The following ULK2 variants were observed in gnomAD, a reference collection of about 807,000 sequenced individuals.
The protein encoded by ULK2 is unc-51 like autophagy activating kinase 2.
In ULK2, 76 loss-of-function variants were observed where a neutral mutation model predicts 127.5. The observed-to-expected ratio is 0.60, with a 90% CI of 0.50 to 0.72. The LOEUF is 0.72. Among genes scored for constraint, ULK2 ranks in the 30% least tolerant of loss-of-function variants. The pLI is 0.00. For synonymous variants in ULK2, 452 were observed against 461.9 expected, an observed-to-expected ratio of 0.98 and a Z score of 0.28; for missense variants, 1,144 against 1,295.9, an observed-to-expected ratio of 0.88 and a Z score of 1.80.
At chr17:19,827,972 T>C (rs1306309109) in intron 10 of ULK2, among the ~76,000 whole-genome samples, 1 of 148,698 alleles carries the variant, frequency 6.7e-6, no homozygotes, top group East Asian at 2.0e-4. Flanking sequence ...CCACACAGAG[T>C]TACAGAATCA....
chr17:19,794,966 C>A (rs1166785070), intron 20 of ULK2, among the ~76,000 whole-genome samples: 6 of 151,834 alleles, frequency 4.0e-5, no homozygotes, highest in Admixed American at 6.6e-5. Context: ...ATAGTCCCAA[C>A]TACTTGGGAG....
Position 19,829,838 on chromosome 17 carries a change from C to CAAAAA in ULK2, c.788-3657_788-3653dup, listed in dbSNP as rs60131689. Among the ~76,000 whole-genome samples, 75 of 120,606 alleles carry CAAAAA rather than the reference C, an allele frequency of 6.2e-4. 1 individual carries two copies. Among genetic ancestry groups the CAAAAA allele is most frequent in the Non-Finnish European group, 8.7e-4 (54 of 61,870 alleles). The allele number at this position is 120,606 out of a possible 152,430, so 79.1% of individuals were successfully genotyped here. A position where few individuals can be genotyped will look rare whatever the true frequency, so the allele number is the denominator to read the frequency against. ...TGGGTGACAGAGCGAGACTCCATTT[C>CAAAAA]AAAAAAAAAAAAAAAAAAGGTATTA... On this transcript the variant is annotated intron_variant, in intron 10 of 26. Transcript: ENST00000395544.
chr17:19,844,059 T>C (rs892024525), intron 7 of ULK2, among the ~76,000 whole-genome samples: 8 of 152,180 alleles, frequency 5.3e-5, no homozygotes, highest in African/African-American at 1.7e-4. Context: ...TATTATTCCC[T>C]ATGTTTTTTG....
intron 4 of ULK2, among the ~76,000 whole-genome samples, 161 bp from the exon 5 acceptor site, chr17:19,849,566 G>C (rs1397505016): frequency 6.6e-6 from 1 of 151,530 alleles, no homozygotes; most frequent in Non-Finnish European, 1.5e-5. Flanking sequence ...TATTCCTTGA[G>C]TAGAATCTAG....
Position 19,789,012 on chromosome 17 carries a change from C to G in ULK2, c.2102-2926G>C, listed in dbSNP as rs1303819976. On this transcript the variant is annotated intron_variant, in intron 20 of 26. Transcript: ENST00000395544. ...CTGGACATGCCTGGTGCCTGGGGTA[C>G]TTGTTGCCCTGAAAGGAAGGACACA... Among the ~76,000 whole-genome samples the G allele has an allele frequency of 2.0e-5, 3 of 152,188 alleles. No homozygotes were observed. The East Asian group carries it at 5.8e-4, about 29-fold the overall frequency.
intron 3 of ULK2, among the ~76,000 whole-genome samples, chr17:19,863,839 C>A (rs1003691726): frequency 3.9e-5 from 6 of 152,216 alleles, no homozygotes; most frequent in African/African-American, 1.4e-4. Flanking sequence ...GACTTTAGAA[C>A]CTACTTCCCA....
intron 10 of ULK2, among the ~76,000 whole-genome samples, chr17:19,833,741 C>G (rs1266159541): frequency 1.3e-5 from 2 of 152,056 alleles, no homozygotes; most frequent in South Asian, 2.1e-4. Flanking sequence ...AGGCTGAGAA[C>G]AGATTAACAG....
rs184309756 is a variant in ULK2, at chr17:19,816,514, G to C, written c.1096+235C>G. On this transcript the variant is annotated intron_variant, in intron 13 of 26. Coordinates refer to ENST00000395544, the MANE Select transcript of ULK2 (RefSeq NM_014683.4). ...CTGTTTGGATACAAACAGAATTTGA[G>C]ATCATTTCCTATAAAGTTTTCATGT... 645 of 302,464 alleles carry C rather than the reference G, an allele frequency of 2.1e-3. 4 individuals are homozygous for C. The highest frequency in any genetic ancestry group is 0.013 in the African/African-American group (610 of 46,474). The allele number at this position is 302,464 out of a possible 1,614,324, so 18.7% of individuals were successfully genotyped here.
chr17:19,791,150 A>G (rs1429281568), intron 20 of ULK2, among the ~76,000 whole-genome samples: 1 of 152,234 alleles, frequency 6.6e-6, no homozygotes, highest in Non-Finnish European at 1.5e-5. Context: ...ATAGGACCTA[A>G]CTGATATTTA....
rs903384543 is a variant in ULK2 at position 19,776,225 on chromosome 17, G to C, written c.*124C>G. 3 of 764,366 alleles carry C rather than the reference G, an allele frequency of 3.9e-6. No individual in the cohort carries two copies. The highest frequency in any genetic ancestry group is 3.7e-5 in the African/African-American group (2 of 54,188). 47.3% of individuals were successfully genotyped at this position (764,366 alleles called of 1,614,324 possible). On this transcript the variant is annotated 3_prime_UTR_variant, in exon 27 of 27. Coordinates refer to ENST00000395544, the MANE Select transcript of ULK2 (RefSeq NM_014683.4). ...TTTTTCCTTTTTCAAATCACTGCTTGTTCTTTGGTAGTCACCAGTTAAGAA... is the reference window on the plus strand; with the variant it reads ...TTTTTCCTTTTTCAAATCACTGCTTCTTCTTTGGTAGTCACCAGTTAAGAA...
chr17:19,814,138 C>T (rs904215126), intron 13 of ULK2, among the ~76,000 whole-genome samples: 4 of 151,682 alleles, frequency 2.6e-5, no homozygotes, highest in African/African-American at 4.8e-5. Context: ...TGTGACACTG[C>T]GTATCAGTGG....
chr17:19,795,305 C>T (rs559889018), intron 20 of ULK2, among the ~76,000 whole-genome samples: 3 of 115,796 alleles, frequency 2.6e-5, no homozygotes, highest in Admixed American at 2.4e-4. Context: ...CTCAGGAGTA[C>T]ATGTAGGTTT....
At chr17:19,859,395 T>C (rs1374289645) in intron 3 of ULK2, among the ~76,000 whole-genome samples, 2 of 152,112 alleles carry the variant, frequency 1.3e-5, no homozygotes, top group African/African-American at 2.4e-5. Context: ...GGCAGGCACC[T>C]GTAATCCCAG....
intron 5 of ULK2, among the ~76,000 whole-genome samples, 171 bp from the exon 6 acceptor site, chr17:19,847,081 G>C (rs145466913): frequency 2.6e-5 from 4 of 152,270 alleles, no homozygotes; most frequent in Admixed American, 6.5e-5. Flanking sequence ...AGAGATATCA[G>C]ATTTCTCAAA....
chr17:19,858,367 T>C (rs1383002614), intron 3 of ULK2, among the ~76,000 whole-genome samples: 1 of 151,396 alleles, frequency 6.6e-6, no homozygotes, highest in Non-Finnish European at 1.5e-5. Flanking sequence ...GCCACCACAC[T>C]CCAGCCTGGG....
intron 3 of ULK2, among the ~76,000 whole-genome samples, chr17:19,856,964 G>A (rs547729091): frequency 8.5e-4 from 90 of 106,496 alleles, no homozygotes; most frequent in Non-Finnish European, 1.3e-3. Flanking sequence ...GTGACAAAGC[G>A]AGACTCCATC....
rs1409711942 is a variant in ULK2, at chr17:19,771,841, A to T, written c.*4508T>A. 1 of 152,236 alleles carries T rather than the reference A, an allele frequency of 6.6e-6. No individual in the cohort carries two copies. The highest frequency in any genetic ancestry group is 1.5e-5 in the Non-Finnish European group (1 of 68,042). The allele number at this position is 152,236 out of a possible 1,614,324, so 9.4% of individuals were successfully genotyped here. A position where few individuals can be genotyped will look rare whatever the true frequency, so the allele number is the denominator to read the frequency against. On this transcript the variant is annotated 3_prime_UTR_variant, in exon 27 of 27. Transcript: ENST00000395544. ...GCATAGAACACGGTTTCCAATAAAC[A>T]AGAGCTCATGTGGGCACTTCCTAAT...
Position 19,822,614 on chromosome 17 carries a change from C to T in ULK2, c.924+2480G>A, listed in dbSNP as rs149640385. Among the ~76,000 whole-genome samples the T allele has an allele frequency of 9.2e-5, 14 of 152,122 alleles. No homozygotes were observed. In the South Asian group the frequency reaches 1.2e-3, roughly 14 times the overall value. ...AACTCCTGACCTCAAGTGGTCCACC[C>T]GCCTCAGACTTCCAAAGTGCTGGGA... On this transcript the variant is annotated intron_variant, in intron 12 of 26. Coordinates refer to ENST00000395544, the MANE Select transcript of ULK2 (RefSeq NM_014683.4).
At chr17:19,807,811 G>A (rs2087545831) in intron 14 of ULK2, among the ~76,000 whole-genome samples, 1 of 152,094 alleles carries the variant, frequency 6.6e-6, no homozygotes, top group African/African-American at 2.4e-5. Flanking sequence ...GGGCCCCCAA[G>A]GTACCAGTGC....
Sources: allele counts gnomAD v4.1 joint callset (sites outside exome capture counted in the v4.1 genomes callset), GRCh38; gene constraint gnomAD v4.1.1; transcripts MANE v1.5; gene names NCBI Gene and HGNC (gene_info 2026-07-23, HGNC 2026-07-21).